CSTPP1: variants seen among roughly 807,000 people sequenced by gnomAD.
CSTPP1 encodes centriolar satellite-associated tubulin polyglutamylase complex regulator 1, also known as UPF0705 protein C11orf49.
At chr11:47,101,180 T>C in the CSTPP1 span, among the ~76,000 whole-genome samples, 1 of 96,128 alleles carries the variant, frequency 1.0e-5, no homozygotes, top group Non-Finnish European at 2.3e-5. Flanking sequence ...TTTTTTTTTT[T>C]TTTTTTTTTA....
At chr11:46,940,281 AGTT>A in the CSTPP1 span, among the ~76,000 whole-genome samples, 386 of 152,328 alleles carry the variant, frequency 2.5e-3, 4 homozygotes, top group African/African-American at 8.9e-3. Context: ...CTGGTAAACA[AGTT>A]GTTTTTAGCC....
the CSTPP1 span, among the ~76,000 whole-genome samples, chr11:47,122,091 A>AAAATATATATAT: frequency 3.5e-4 from 11 of 31,838 alleles, no homozygotes; most frequent in East Asian, 6.8e-4. Context: ...AAAAAAAAAA[A>AAAATATATATAT]ATATATATAT....
At chr11:47,121,321 C>G in the CSTPP1 span, among the ~76,000 whole-genome samples, 2 of 152,096 alleles carry the variant, frequency 1.3e-5, no homozygotes, top group African/African-American at 4.8e-5. Context: ...GTCTTGGAAC[C>G]CTGTAAGTTA....
the CSTPP1 span, among the ~76,000 whole-genome samples, chr11:46,948,494 G>T: frequency 6.6e-6 from 1 of 151,710 alleles, no homozygotes; most frequent in African/African-American, 2.4e-5. Flanking sequence ...TGCCACTCAG[G>T]TCTCTTTGTG....
At chr11:47,153,698 G>A in the CSTPP1 span, among the ~76,000 whole-genome samples, 1 of 152,196 alleles carries the variant, frequency 6.6e-6, no homozygotes, top group African/African-American at 2.4e-5. Flanking sequence ...GGGCACTCAG[G>A]AAATGGCACC....
the CSTPP1 span, among the ~76,000 whole-genome samples, chr11:47,036,933 G>A: frequency 2.1e-4 from 27 of 125,616 alleles, 3 homozygotes; most frequent in African/African-American, 6.0e-4. Flanking sequence ...CGCCCACCTC[G>A]GCCTCCCAAA....
the CSTPP1 span, among the ~76,000 whole-genome samples, chr11:47,085,863 G>C: frequency 3.9e-4 from 58 of 149,894 alleles, 2 homozygotes; most frequent in South Asian, 0.012. Context: ...TGGGTGACGA[G>C]TGAAACTCTG....
the CSTPP1 span, among the ~76,000 whole-genome samples, chr11:47,018,131 C>T: frequency 6.6e-6 from 1 of 152,068 alleles, no homozygotes; most frequent in East Asian, 1.9e-4. Flanking sequence ...TATCCATTCA[C>T]CCTTGGAAGG....
the CSTPP1 span, among the ~76,000 whole-genome samples, chr11:47,162,875 G>A: frequency 6.6e-6 from 1 of 152,144 alleles, no homozygotes; most frequent in Non-Finnish European, 1.5e-5. Flanking sequence ...GCCAAGACTA[G>A]GCATTCCAGC....
At chr11:47,010,672 G>C in the CSTPP1 span, among the ~76,000 whole-genome samples, 1 of 152,124 alleles carries the variant, frequency 6.6e-6, no homozygotes, top group South Asian at 2.1e-4. Context: ...TAATTTTTTT[G>C]GTACATTCTT....
the CSTPP1 span, chr11:47,161,339 C>T: frequency 1.3e-6 from 2 of 1,585,146 alleles, no homozygotes; most frequent in Non-Finnish European, 1.7e-6. Context: ...CTGAGGTGTC[C>T]CTCCCTCTGA....
chr11:46,989,877 TATAA>T, the CSTPP1 span, among the ~76,000 whole-genome samples: 1 of 152,146 alleles, frequency 6.6e-6, no homozygotes, highest in Non-Finnish European at 1.5e-5. Context: ...AGCTCCCACT[TATAA>T]GTGAGAACAT....
the CSTPP1 span, chr11:47,161,174 G>T: frequency 6.2e-7 from 1 of 1,614,094 alleles, no homozygotes; most frequent in African/African-American, 1.3e-5. Flanking sequence ...AGCAATGGAT[G>T]AAGAGCTGGA....
the CSTPP1 span, among the ~76,000 whole-genome samples, chr11:47,085,665 G>A: frequency 2.0e-5 from 3 of 151,932 alleles, no homozygotes; most frequent in Non-Finnish European, 2.9e-5. Flanking sequence ...TGAGGTGGGT[G>A]GATCACCTGA....
At chr11:47,054,854 A>G in the CSTPP1 span, among the ~76,000 whole-genome samples, 2 of 151,840 alleles carry the variant, frequency 1.3e-5, no homozygotes, top group African/African-American at 2.4e-5. Context: ...GGTAATTTCC[A>G]AGTTTTTGGC....
chr11:47,034,095 A>G, the CSTPP1 span, among the ~76,000 whole-genome samples: 3 of 151,468 alleles, frequency 2.0e-5, no homozygotes, highest in Non-Finnish European at 4.4e-5. Context: ...AACTTAAAGT[A>G]TAATAAAAAT....
chr11:47,124,020 T>C, the CSTPP1 span, among the ~76,000 whole-genome samples: 1 of 149,716 alleles, frequency 6.7e-6, no homozygotes, highest in African/African-American at 2.5e-5. Context: ...AGAATGACAA[T>C]GAAAGAATCC....
At chr11:47,113,005 G>A in the CSTPP1 span, among the ~76,000 whole-genome samples, 6 of 152,092 alleles carry the variant, frequency 3.9e-5, no homozygotes, top group East Asian at 7.7e-4. Flanking sequence ...CCAACCCCAC[G>A]ACAGGACCCG....
the CSTPP1 span, among the ~76,000 whole-genome samples, chr11:46,962,823 G>T: frequency 6.6e-6 from 1 of 151,978 alleles, no homozygotes; most frequent in Non-Finnish European, 1.5e-5. Flanking sequence ...GCTTGATGGT[G>T]CTCACCTGTA....
Sources: gnomAD v4.1 joint callset for allele counts (sites outside exome capture counted in the v4.1 genomes callset) on GRCh38, gnomAD v4.1.1 for gene constraint, MANE v1.5 for transcripts, NCBI Gene and HGNC (gene_info 2026-07-23, HGNC 2026-07-21) for gene names.